SH3PXD2A: variants seen among roughly 807,000 people sequenced by gnomAD.
The protein encoded by SH3PXD2A is SH3 and PX domains 2A.
SH3PXD2A carries 32 observed loss-of-function variants against 115.2 expected under a neutral mutation model. The observed-to-expected ratio is 0.28, with a 90% confidence interval of 0.21 to 0.37. SH3PXD2A has a LOEUF of 0.37. Among genes scored for constraint, SH3PXD2A ranks in the 10% least tolerant of loss-of-function variants. The pLI is 1.00. For synonymous variants in SH3PXD2A, 610 were observed against 629.1 expected (o/e 0.97, Z 0.45); for missense variants, 1,328 against 1,498.7 (o/e 0.89, Z 1.88).
intron 1 of SH3PXD2A, among the ~76,000 whole-genome samples, chr10:103,801,602 A>G (rs1391310015): frequency 7.3e-6 from 1 of 137,918 alleles, no homozygotes; most frequent in Admixed American, 7.1e-5. Context: ...AATGCCAACA[A>G]TGATTATCTT....
intron 1 of SH3PXD2A, among the ~76,000 whole-genome samples, chr10:103,830,217 G>T (rs568364873): frequency 2.6e-5 from 4 of 152,358 alleles, no homozygotes; most frequent in African/African-American, 9.6e-5. Context: ...CGGGTTTCTG[G>T]TCCTATCAGT....
rs925975766 is a variant in SH3PXD2A at position 103,756,742 on chromosome 10, C to T, written c.229+10352G>A. ...ATGGGCAGTCATCCTCGACCCCACC[C>T]CACCACCTCCAATCCATCAGCATGG... On this transcript the variant is annotated intron_variant, in intron 3 of 14. Coordinates refer to ENST00000369774, the MANE Select transcript of SH3PXD2A (RefSeq NM_001394015.1). The surrounding 1 kb of genome is among the most constrained non-coding windows in gnomAD (Gnocchi z 4.4). Among the ~76,000 whole-genome samples the T allele has an allele frequency of 6.6e-6, 1 of 152,162 alleles. No homozygotes were observed. Among genetic ancestry groups the T allele is most frequent in the African/African-American group, 2.4e-5 (1 of 41,430 alleles).
intron 1 of SH3PXD2A, among the ~76,000 whole-genome samples, chr10:103,835,791 T>A (rs1444503133): frequency 6.6e-6 from 1 of 152,186 alleles, no homozygotes; most frequent in Non-Finnish European, 1.5e-5. Flanking sequence ...CACTCTATAG[T>A]TCATGCAGCC....
chr10:103,632,652 C>T (rs1314934194), intron 8 of SH3PXD2A, among the ~76,000 whole-genome samples: 1 of 152,178 alleles, frequency 6.6e-6, no homozygotes, highest in African/African-American at 2.4e-5. Flanking sequence ...GTGGCAGGCT[C>T]TTCTCTGCAG....
intron 8 of SH3PXD2A, among the ~76,000 whole-genome samples, chr10:103,651,356 C>T (rs902654833): frequency 6.6e-6 from 1 of 152,246 alleles, no homozygotes; most frequent in African/African-American, 2.4e-5. Flanking sequence ...ACATGCTTCT[C>T]TTCCCTTTCA....
intron 8 of SH3PXD2A, among the ~76,000 whole-genome samples, chr10:103,630,745 TAAAAAAAAA>T (rs57562821): frequency 8.5e-6 from 1 of 117,428 alleles, no homozygotes; most frequent in Non-Finnish European, 1.7e-5. Context: ...TCCCTTCTCT[TAAAAAAAAA>T]AAAAAAAAAA....
intron 9 of SH3PXD2A, among the ~76,000 whole-genome samples, chr10:103,624,140 C>G (rs752854045): frequency 6.6e-6 from 1 of 152,252 alleles, no homozygotes; most frequent in Non-Finnish European, 1.5e-5. Context: ...CTCTGCACCC[C>G]GAGCTATTGC....
At chr10:103,766,957 C>A (rs184060471) in intron 3 of SH3PXD2A, 137 bp downstream of exon 3, 8 of 646,502 alleles carry the variant, frequency 1.2e-5, no homozygotes, top group Non-Finnish European at 2.2e-5. Flanking sequence ...TCCAAATCCC[C>A]TGGGGGAATT....
In SH3PXD2A at chr10:103,602,644, C is replaced by T. The variant is rs369117106; in HGVS notation, c.2574G>A (p.Glu858=). ...CCTCCACGCCCGCGGGGAAGCTGATCTCCGAGTCCTGGACCTTCTGGTAGG... is the reference window on the plus strand; with the variant it reads ...CCTCCACGCCCGCGGGGAAGCTGATTTCCGAGTCCTGGACCTTCTGGTAGG... ...CSAYQKVQDS[E]ISFPAGVEVQ... The change falls in exon 15 of 15, where the codon GAG becomes GAA. Residue 858 remains glutamate (E), a synonymous_variant. Transcript: ENST00000369774. 198 of 1,614,094 alleles carry T rather than the reference C, an allele frequency of 1.2e-4. No individual in the cohort carries two copies. Among genetic ancestry groups the T allele is most frequent in the Non-Finnish European group, 1.6e-4 (192 of 1,180,048 alleles).
At chr10:103,741,138 G>A (rs2038439932) in intron 3 of SH3PXD2A, among the ~76,000 whole-genome samples, 1 of 152,218 alleles carries the variant, frequency 6.6e-6, no homozygotes, top group African/African-American at 2.4e-5. Flanking sequence ...CTTCAGTGGA[G>A]CCTTCAAGGA....
At chr10:103,737,440 A>T (rs1451850321) in intron 3 of SH3PXD2A, among the ~76,000 whole-genome samples, 1 of 152,188 alleles carries the variant, frequency 6.6e-6, no homozygotes, top group East Asian at 1.9e-4. Flanking sequence ...TTATTCCCCC[A>T]GACACAGCCC....
chr10:103,852,364 C>T (rs891084115), intron 1 of SH3PXD2A, among the ~76,000 whole-genome samples: 1 of 152,390 alleles, frequency 6.6e-6, no homozygotes, highest in Non-Finnish European at 1.5e-5. Flanking sequence ...CTGAGAGAAC[C>T]TTTGCAGTGT....
rs1166930479 is a variant in SH3PXD2A at position 103,598,406 on chromosome 10, T to G, written c.*3410A>C. The G allele has an allele frequency of 6.6e-6, 1 of 152,472 alleles. No homozygotes were observed. Among genetic ancestry groups the G allele is most frequent in the Non-Finnish European group, 1.5e-5 (1 of 67,982 alleles). 9.4% of individuals were successfully genotyped at this position (152,472 alleles called of 1,614,324 possible). A position where few individuals can be genotyped will look rare whatever the true frequency, so the allele number is the denominator to read the frequency against. Reference sequence around the variant, plus strand: ...AGGGATGAGGTGGGGGGAGATGACATTTTTTTCCCCTTGCAATAAAAGAAA... The same window carrying G: ...AGGGATGAGGTGGGGGGAGATGACAGTTTTTTCCCCTTGCAATAAAAGAAA... On this transcript the variant is annotated 3_prime_UTR_variant, in exon 15 of 15. Transcript: ENST00000369774.
intron 7 of SH3PXD2A, among the ~76,000 whole-genome samples, chr10:103,662,786 C>G (rs991603433): frequency 6.6e-6 from 1 of 152,162 alleles, no homozygotes; most frequent in African/African-American, 2.4e-5. Context: ...TCAGACCACC[C>G]CCAGCCCAAA....
intron 8 of SH3PXD2A, among the ~76,000 whole-genome samples, chr10:103,644,176 CACA>C (rs1217227653): frequency 6.7e-6 from 1 of 149,702 alleles, no homozygotes. Flanking sequence ...CAAGCCTGGC[CACA>C]AGCAAGCTCT....
intron 8 of SH3PXD2A, among the ~76,000 whole-genome samples, chr10:103,641,365 T>C (rs1242331595): frequency 6.6e-6 from 1 of 152,122 alleles, no homozygotes; most frequent in Non-Finnish European, 1.5e-5. Context: ...GTGTTCAGTA[T>C]GTCTTGGGGC....
chr10:103,640,355 C>T (rs2036936072), intron 8 of SH3PXD2A, among the ~76,000 whole-genome samples: 1 of 151,902 alleles, frequency 6.6e-6, no homozygotes, highest in Admixed American at 6.6e-5. Flanking sequence ...AAGTCTCTTT[C>T]CTGAGGAGGG....
rs1252874193 is a variant in SH3PXD2A at position 103,834,845 on chromosome 10, G to A, written c.72+20350C>T. ...AACTCCAACTCTCTCAAGCAGCCCT[G>A]CGGCCTGTAACCACTATGTGGGCCG... On this transcript the variant is annotated intron_variant, in intron 1 of 14. Transcript: ENST00000369774. 2.6e-5 allele frequency among the ~76,000 whole-genome samples: 4 copies of A among 152,228 alleles called. No individual in the cohort carries two copies. In the East Asian group the frequency reaches 7.7e-4, roughly 29 times the overall value.
intron 8 of SH3PXD2A, among the ~76,000 whole-genome samples, chr10:103,642,862 G>A (rs1427918039): frequency 1.3e-5 from 2 of 152,126 alleles, no homozygotes; most frequent in African/African-American, 2.4e-5. Context: ...AAAAATGGAA[G>A]CTTCTTGGCC....
Sources: allele counts gnomAD v4.1 joint callset (sites outside exome capture counted in the v4.1 genomes callset), GRCh38; gene constraint gnomAD v4.1.1; non-coding constraint Gnocchi (gnomAD v3.1); transcripts MANE v1.5; gene names NCBI Gene and HGNC (gene_info 2026-07-23, HGNC 2026-07-21).